TCF4: variants seen among roughly 807,000 people sequenced by gnomAD.
TCF4 encodes SL3-3 enhancer factor 2.
Under a neutral mutation model 82.1 loss-of-function variants are expected in TCF4, and 3 were observed. That is an observed-to-expected ratio of 0.04 (90% confidence interval 0.02 to 0.09). TCF4 has a LOEUF of 0.09. Ranked by LOEUF, TCF4 falls within the 10% of genes least tolerant of loss-of-function variation. The probability of loss-of-function intolerance (pLI) is 1.00; values close to 1 mark genes in which losing one functional copy is unlikely to be tolerated. For missense variants in TCF4, 518 were observed against 852.7 expected (o/e 0.61, Z 4.89); for synonymous variants, 276 against 309.6 (o/e 0.89, Z 1.14).
intron 3 of TCF4, among the ~76,000 whole-genome samples, chr18:55,508,303 A>C (rs1319433076): frequency 6.6e-6 from 1 of 152,214 alleles, no homozygotes; most frequent in East Asian, 1.9e-4. Context: ...CTTTCTTTTA[A>C]CCAGGCTGCC....
chr18:55,451,586 T>C (rs2095624222), intron 5 of TCF4, among the ~76,000 whole-genome samples: 2 of 152,356 alleles, frequency 1.3e-5, no homozygotes, highest in Admixed American at 1.3e-4. Context: ...GAAAGCAGTC[T>C]TATTTTTATT....
rs1377146783 is a variant in TCF4, at chr18:55,228,905, C to T, written c.1821G>A (p.Lys607=). 1 of 1,614,130 alleles carries T rather than the reference C, an allele frequency of 6.2e-7. No individual in the cohort carries two copies. The highest frequency in any genetic ancestry group is 2.2e-5 in the East Asian group (1 of 44,862). ...CCACCGCCTGGTGGAGGATCAGGAG[C>T]TTGGTCTGGGGCTTGTCACTCTTGA... ...LHLKSDKPQT[K]LLILHQAVAV... Residue 607 remains lysine (K), a synonymous_variant, in exon 18 of 20, where the codon AAG becomes AAA. Transcript: ENST00000354452.
chr18:55,589,629 T>C, upstream of TCF4: 1 of 1,043,108 alleles, frequency 9.6e-7, no homozygotes, highest in Non-Finnish European at 1.2e-6. Flanking sequence ...TTGTTGGTGA[T>C]TTTTTTTCTT....
intron 6 of TCF4, chr18:55,401,934 G>A: frequency 1.2e-6 from 1 of 868,552 alleles, no homozygotes. Context: ...CCTCCGCCTT[G>A]ACCCTCAGAA....
intron 2 of TCF4, among the ~76,000 whole-genome samples, chr18:55,607,751 G>T (rs2097703459): frequency 6.6e-6 from 1 of 152,174 alleles, no homozygotes; most frequent in African/African-American, 2.4e-5. Context: ...CGTCAATAAT[G>T]ATAATCATAA....
chr18:55,372,626 G>T (rs2089598405), intron 6 of TCF4, among the ~76,000 whole-genome samples: 1 of 151,922 alleles, frequency 6.6e-6, no homozygotes, highest in African/African-American at 2.4e-5. Context: ...ATTACATAAG[G>T]ATATATAACT....
chr18:55,387,520 C>T (rs1332533927), intron 6 of TCF4, among the ~76,000 whole-genome samples: 2 of 152,150 alleles, frequency 1.3e-5, no homozygotes, highest in African/African-American at 4.8e-5. Context: ...TGCTTTTTAT[C>T]CAAGTTCACA....
At chr18:55,601,035 C>T (rs2097696324) in intron 2 of TCF4, among the ~76,000 whole-genome samples, 1 of 152,140 alleles carries the variant, frequency 6.6e-6, no homozygotes. Context: ...AACAATCACC[C>T]TCAGATACAG....
chr18:55,506,025 T>C (rs1355056582), intron 3 of TCF4, among the ~76,000 whole-genome samples: 1 of 152,188 alleles, frequency 6.6e-6, no homozygotes, highest in Non-Finnish European at 1.5e-5. Context: ...CTGTGAAACC[T>C]CAACAGAGAC....
At chr18:55,619,088 T>C (rs1356365552) in intron 2 of TCF4, among the ~76,000 whole-genome samples, 1 of 152,176 alleles carries the variant, frequency 6.6e-6, no homozygotes, top group Admixed American at 6.6e-5. Flanking sequence ...CTAGCAAAGC[T>C]ATCTGGATTT....
intron 3 of TCF4, among the ~76,000 whole-genome samples, chr18:55,558,744 T>C (rs1603622949): frequency 1.3e-5 from 2 of 152,150 alleles, no homozygotes; most frequent in African/African-American, 4.8e-5. Context: ...ATGGTTTCCA[T>C]GGGGCATTTC....
At chr18:55,470,087 C>T (rs1348517806) in intron 3 of TCF4, among the ~76,000 whole-genome samples, 1 of 151,968 alleles carries the variant, frequency 6.6e-6, no homozygotes, top group Non-Finnish European at 1.5e-5. Context: ...CAAGACATAC[C>T]CCAAAGTCAG....
intron 8 of TCF4, chr18:55,321,921 A>T (rs1354011033): frequency 7.1e-7 from 1 of 1,399,694 alleles, no homozygotes; most frequent in Non-Finnish European, 9.3e-7. Flanking sequence ...CGCTGCTGTC[A>T]GACGCTCAAC....
At chr18:55,335,823 A>G (rs1297001826) in intron 8 of TCF4, among the ~76,000 whole-genome samples, 2 of 152,158 alleles carry the variant, frequency 1.3e-5, no homozygotes, top group African/African-American at 2.4e-5. Flanking sequence ...AAAGGCTTGG[A>G]GCAGAACTAC....
chr18:55,287,478 G>A (rs1305015150), intron 8 of TCF4, among the ~76,000 whole-genome samples: 3 of 152,126 alleles, frequency 2.0e-5, no homozygotes, highest in Non-Finnish European at 2.9e-5. Flanking sequence ...GTCACAAAAC[G>A]GTAAGAATTT....
chr18:55,374,626 C>T (rs937714912), intron 6 of TCF4, among the ~76,000 whole-genome samples: 5 of 151,886 alleles, frequency 3.3e-5, no homozygotes, highest in African/African-American at 9.7e-5. Flanking sequence ...TCTTGCCAGG[C>T]GCGGTGGCTC....
chr18:55,265,065 T>C (rs964981773), intron 11 of TCF4: 9 of 152,168 alleles, frequency 5.9e-5, no homozygotes, highest in Non-Finnish European at 8.8e-5. Context: ...TTTGGGGAAA[T>C]GTTCATTCCC....
chr18:55,568,461 TAG>T lies in TCF4; in HGVS notation c.145+16817_145+16818del, dbSNP rs1056945224. Among the ~76,000 whole-genome samples the T allele has an allele frequency of 6.6e-5, 10 of 151,696 alleles. No homozygotes were observed. The East Asian group carries it at 1.7e-3, about 26-fold the overall frequency. On this transcript the variant is annotated intron_variant, in intron 3 of 19. Transcript: ENST00000354452. Reference sequence around the variant, plus strand: ...AATAAATTTTAAAATGTAAATGAAATAGAGAGAAAACTGACATATATTACATA... The same window carrying T: ...AATAAATTTTAAAATGTAAATGAAATAGAGAAAACTGACATATATTACATA...
chr18:55,278,762 G>T (rs1229762945), intron 9 of TCF4, among the ~76,000 whole-genome samples: 4 of 152,070 alleles, frequency 2.6e-5, no homozygotes, highest in Non-Finnish European at 5.9e-5. Context: ...TACAGACAGG[G>T]TTTCACCATA....
Sources: gnomAD v4.1 joint callset for allele counts (sites outside exome capture counted in the v4.1 genomes callset) on GRCh38, gnomAD v4.1.1 for gene constraint, MANE v1.5 for transcripts, NCBI Gene and HGNC (gene_info 2026-07-23, HGNC 2026-07-21) for gene names.